The following ALOX5 variants were observed in gnomAD, a reference collection of about 807,000 sequenced individuals.
The protein encoded by ALOX5 is polyunsaturated fatty acid 5-lipoxygenase.
ALOX5 carries 64 observed loss-of-function variants against 87.9 expected under a neutral mutation model. The observed-to-expected ratio is 0.73, with a 90% CI of 0.60 to 0.90. The LOEUF is 0.90. ALOX5 is among the 40% of genes least tolerant of loss of function. The pLI is 0.00. For synonymous variants in ALOX5, 388 were observed against 355.1 expected (o/e 1.09, Z -1.04); for missense variants, 822 against 907.5 (o/e 0.91, Z 1.21).
At chr10:45,444,894 T>C (rs1842387917) in intron 13 of ALOX5, 1 of 154,006 alleles carries the variant, frequency 6.5e-6, no homozygotes. Context: ...TGATACTGAA[T>C]TGCCCTCCAC....
chr10:45,387,853 A>G (rs1323054329), intron 2 of ALOX5, among the ~76,000 whole-genome samples: 2 of 152,256 alleles, frequency 1.3e-5, no homozygotes, highest in Non-Finnish European at 2.9e-5. Context: ...GAACAGCTCC[A>G]GTCTACAGCT....
intron 2 of ALOX5, among the ~76,000 whole-genome samples, chr10:45,387,869 C>T (rs1041955966): frequency 1.3e-5 from 2 of 152,250 alleles, no homozygotes; most frequent in Non-Finnish European, 2.9e-5. Context: ...CAGCTCCCAA[C>T]ATGAGCAATG....
chr10:45,441,084 A>C (rs1842220056), intron 8 of ALOX5, among the ~76,000 whole-genome samples: 1 of 152,252 alleles, frequency 6.6e-6, no homozygotes, highest in Non-Finnish European at 1.5e-5. Context: ...AGATTAAGAC[A>C]GTGAACTCAG....
At chr10:45,395,669 G>C (rs116526705) in intron 2 of ALOX5, among the ~76,000 whole-genome samples, 186 bp from the exon 3 acceptor site, 1 of 151,970 alleles carries the variant, frequency 6.6e-6, no homozygotes, top group Non-Finnish European at 1.5e-5. Context: ...CAAGAGCAAA[G>C]CTACACAACT....
At chr10:45,444,510 T>C in intron 13 of ALOX5, 1 of 538,430 alleles carries the variant, frequency 1.9e-6, no homozygotes, top group Non-Finnish European at 3.1e-6. Flanking sequence ...GCCCAGGCTT[T>C]GCTCACTGTC....
Position 45,440,702 on chromosome 10 carries a change from C to T in ALOX5, c.1185+69C>T. ...GATGTGGAGTGGGAGGGATCACTGA[C>T]ATCCCACAGGGGGACCTGTGGCTGG... On this transcript the variant is annotated intron_variant, in intron 8 of 13. Coordinates refer to ENST00000374391, the MANE Select transcript of ALOX5 (RefSeq NM_000698.5). 6 of 1,532,208 alleles carry T rather than the reference C, an allele frequency of 3.9e-6. No homozygotes were observed. In the South Asian group the frequency reaches 7.0e-5, roughly 18 times the overall value. 94.9% of individuals were successfully genotyped at this position (1,532,208 alleles called of 1,614,324 possible).
intron 2 of ALOX5, among the ~76,000 whole-genome samples, chr10:45,386,426 A>G (rs904737008): frequency 1.3e-5 from 2 of 152,052 alleles, no homozygotes; most frequent in Admixed American, 6.6e-5. Context: ...TGATCATGCC[A>G]CTGCACTCTA....
intron 6 of ALOX5, among the ~76,000 whole-genome samples, chr10:45,427,797 G>T (rs1841775297): frequency 6.6e-6 from 1 of 152,152 alleles, no homozygotes; most frequent in Admixed American, 6.5e-5. Flanking sequence ...TGCGCGGCTC[G>T]CAGCGGCCGC....
At chr10:45,377,218 A>G (rs1397551346) in intron 1 of ALOX5, among the ~76,000 whole-genome samples, 1 of 152,144 alleles carries the variant, frequency 6.6e-6, no homozygotes, top group Non-Finnish European at 1.5e-5. Context: ...TTAATTCTAG[A>G]ATACCTCCTT....
chr10:45,412,859 G>A (rs1589018790), intron 4 of ALOX5, among the ~76,000 whole-genome samples: 1 of 152,292 alleles, frequency 6.6e-6, no homozygotes, highest in Non-Finnish European at 1.5e-5. Context: ...TAGGTTCTGT[G>A]CACCTTTGTT....
chr10:45,389,807 A>G (rs1840145396), intron 2 of ALOX5, among the ~76,000 whole-genome samples: 2 of 152,350 alleles, frequency 1.3e-5, no homozygotes, highest in South Asian at 4.1e-4. Context: ...ATAACCATCT[A>G]ACATCGTAAA....
chr10:45,413,678 T>G (rs950476629), intron 4 of ALOX5, among the ~76,000 whole-genome samples: 2 of 152,122 alleles, frequency 1.3e-5, no homozygotes, highest in South Asian at 2.1e-4. Context: ...TGACATGATT[T>G]TATATCTAGA....
At chr10:45,409,918 C>T (rs1841014225) in intron 3 of ALOX5, among the ~76,000 whole-genome samples, 1 of 152,280 alleles carries the variant, frequency 6.6e-6, no homozygotes, top group South Asian at 2.1e-4. Flanking sequence ...CTTCTAACCA[C>T]ACAAGTGGGG....
intron 2 of ALOX5, among the ~76,000 whole-genome samples, chr10:45,390,981 TCCCTCTC>T (rs1249551174): frequency 1.2e-4 from 13 of 108,928 alleles, no homozygotes; most frequent in African/African-American, 2.4e-4. Flanking sequence ...GAATCAGCTC[TCCCTCTC>T]CCCTCTCCCC....
intron 4 of ALOX5, among the ~76,000 whole-genome samples, chr10:45,421,035 C>T (rs1841487698): frequency 6.6e-6 from 1 of 152,238 alleles, no homozygotes. Flanking sequence ...GGTCACTGCC[C>T]CTAGGCCAGG....
chr10:45,417,907 TG>T (rs1322525487), intron 4 of ALOX5, among the ~76,000 whole-genome samples: 16 of 152,176 alleles, frequency 1.1e-4, no homozygotes, highest in Admixed American at 6.5e-4. Context: ...TAGAAGCCTC[TG>T]GCCCCAGTGA....
intron 5 of ALOX5, among the ~76,000 whole-genome samples, 188 bp from the exon 6 acceptor site, chr10:45,424,772 A>T (rs1465131535): frequency 6.6e-6 from 1 of 152,210 alleles, no homozygotes; most frequent in African/African-American, 2.4e-5. Flanking sequence ...CAGCTCAGGT[A>T]TGATGAGTTG....
intron 2 of ALOX5, among the ~76,000 whole-genome samples, chr10:45,386,114 A>G (rs1839999915): frequency 6.6e-6 from 1 of 152,120 alleles, no homozygotes; most frequent in Non-Finnish European, 1.5e-5. Context: ...ATCCTGGCTA[A>G]CACAGTAAAA....
In ALOX5 at chr10:45,441,429, A is replaced by G; in HGVS notation, c.1271A>G (p.Lys424Arg). The G allele has an allele frequency of 6.2e-7, 1 of 1,613,138 alleles. No individual in the cohort carries two copies. The highest frequency in any genetic ancestry group is 8.5e-7 in the Non-Finnish European group (1 of 1,179,266). ...ATCTGCGAGTGTGGCCTCTTTGACA[A>G]GGTGGGTGCCCTCCTACCCTACTTG... ...QLICECGLFD[K>R]ANATGGGGHV... is the part of the protein sequence containing the mutation. The change falls in exon 9 of 14, where the codon AAG (lysine) becomes AGG (arginine). Residue 424 changes from lysine (K) to arginine (R), a missense_variant and splice_region_variant. By Grantham distance (26) the Lys-to-Arg change is conservative. Coordinates refer to ENST00000374391, the MANE Select transcript of ALOX5 (RefSeq NM_000698.5).
Sources: allele counts gnomAD v4.1 joint callset (sites outside exome capture counted in the v4.1 genomes callset), GRCh38; gene constraint gnomAD v4.1.1; transcripts MANE v1.5; gene names NCBI Gene and HGNC (gene_info 2026-07-23, HGNC 2026-07-21).